PCDH11Y: variants seen among roughly 807,000 people sequenced by gnomAD.
PCDH11Y encodes protocadherin 11 Y-linked.
For synonymous variants in PCDH11Y, 9 were observed against 83.6 expected (o/e 0.11, Z 4.87); for missense variants, 12 against 224.8 (o/e 0.05, Z 6.05).
At chrY:5,312,139 T>C (rs2053101573) in intron 2 of PCDH11Y, among the ~76,000 whole-genome samples, 1 of 33,148 alleles carries the variant, frequency 3.0e-5, no homozygotes, top group African/African-American at 1.2e-4. Flanking sequence ...GAGAGAGCGA[T>C]ATCTCCGAAA....
intron 3 of PCDH11Y, among the ~76,000 whole-genome samples, chrY:5,046,978 C>A (rs1214322844): frequency 0.019 from 651 of 33,911 alleles, no homozygotes; most frequent in Non-Finnish European, 0.04. Context: ...GCCTCGCGCA[C>A]GGTGCGCGCA....
intron 1 of PCDH11Y, among the ~76,000 whole-genome samples, chrY:5,093,993 T>C (rs1602861611): frequency 3.3e-4 from 11 of 33,405 alleles, no homozygotes; most frequent in Non-Finnish European, 5.3e-4. Flanking sequence ...TACCTAGAGA[T>C]ATACACATAG....
intron 2 of PCDH11Y, among the ~76,000 whole-genome samples, chrY:5,205,270 C>T: frequency 3.3e-5 from 1 of 30,136 alleles, no homozygotes; most frequent in East Asian, 8.8e-4. Flanking sequence ...TGCCCAGCCC[C>T]AAACTGGAGA....
At chrY:5,359,412 T>C (rs2124671647) in intron 2 of PCDH11Y, among the ~76,000 whole-genome samples, 1 of 32,477 alleles carries the variant, frequency 3.1e-5, no homozygotes, top group Admixed American at 2.9e-4. Context: ...CTTGTTGCCA[T>C]CTTGGTTTTG....
At chrY:5,181,608 TG>T (rs2052900188) in intron 2 of PCDH11Y, among the ~76,000 whole-genome samples, 1 of 28,420 alleles carries the variant, frequency 3.5e-5, no homozygotes, top group Non-Finnish European at 8.4e-5. Flanking sequence ...TCAGAGGTTT[TG>T]TTTGTTCCTT....
chrY:5,640,263 C>G (rs2053522214), intron 4 of PCDH11Y, among the ~76,000 whole-genome samples: 1 of 32,639 alleles, frequency 3.1e-5, no homozygotes, highest in Non-Finnish European at 7.5e-5. Context: ...TTGGAATAAA[C>G]TTCTTCCAAA....
intron 2 of PCDH11Y, among the ~76,000 whole-genome samples, chrY:5,209,986 C>T (rs2052936843): frequency 5.9e-5 from 2 of 33,947 alleles, no homozygotes; most frequent in African/African-American, 1.1e-4. Context: ...TGCTCGAACC[C>T]GGGAGGCGGA....
chrY:5,594,967 C>T, intron 4 of PCDH11Y, among the ~76,000 whole-genome samples: 1 of 30,549 alleles, frequency 3.3e-5, no homozygotes, highest in Non-Finnish European at 7.9e-5. Flanking sequence ...CTCTAAGCAG[C>T]TCTCTCTGCC....
At chrY:5,338,163 C>T in intron 2 of PCDH11Y, 1 of 354,976 alleles carries the variant, frequency 2.8e-6, no homozygotes, top group Non-Finnish European at 4.1e-6. Flanking sequence ...GTCAGGGTTT[C>T]ATACAAGTCA....
chrY:5,614,520 G>A, intron 4 of PCDH11Y, among the ~76,000 whole-genome samples: 3 of 29,669 alleles, frequency 1.0e-4, no homozygotes, highest in Admixed American at 3.2e-4. Flanking sequence ...TGATTCATGC[G>A]GCTTCATGTG....
intron 1 of PCDH11Y, among the ~76,000 whole-genome samples, chrY:5,082,670 T>C: frequency 5.9e-5 from 2 of 33,651 alleles, no homozygotes; most frequent in Admixed American, 5.4e-4. Context: ...TTTATTTGCA[T>C]AGAGGTGTTT....
chrY:5,093,232 T>C (rs2052744191), intron 1 of PCDH11Y, among the ~76,000 whole-genome samples: 1 of 33,586 alleles, frequency 3.0e-5, no homozygotes, highest in Non-Finnish European at 7.5e-5. Context: ...ATCTTGTTTA[T>C]TTTAGCAGTT....
intron 4 of PCDH11Y, among the ~76,000 whole-genome samples, chrY:5,666,756 C>T (rs2053544995): frequency 3.2e-5 from 1 of 30,981 alleles, no homozygotes; most frequent in Non-Finnish European, 7.7e-5. Flanking sequence ...CTCCATCCCT[C>T]GCTCTCCCTT....
At chrY:5,139,143 C>T in intron 2 of PCDH11Y, among the ~76,000 whole-genome samples, 3 of 33,729 alleles carry the variant, frequency 8.9e-5, no homozygotes, top group Non-Finnish European at 2.2e-4. Context: ...ACAAAAATCA[C>T]ATGATTTTCT....
chrY:5,352,465 C>T, intron 2 of PCDH11Y, among the ~76,000 whole-genome samples: 1 of 32,808 alleles, frequency 3.0e-5, no homozygotes, highest in Non-Finnish European at 7.4e-5. Flanking sequence ...CTACCCAAAC[C>T]TAAAATATCA....
chrY:5,566,912 C>T (rs1602944338), intron 3 of PCDH11Y, among the ~76,000 whole-genome samples: 1 of 32,291 alleles, frequency 3.1e-5, no homozygotes, highest in Non-Finnish European at 7.6e-5. Flanking sequence ...AGTTGCATAC[C>T]AAGTAAGCAA....
chrY:5,199,434 C>T (rs2052924763), intron 2 of PCDH11Y, among the ~76,000 whole-genome samples: 1 of 31,548 alleles, frequency 3.2e-5, no homozygotes, highest in Non-Finnish European at 7.7e-5. Flanking sequence ...ACTACAGGCT[C>T]GTGCCACCAT....
At chrY:5,650,852 A>G in intron 4 of PCDH11Y, among the ~76,000 whole-genome samples, 12 of 32,324 alleles carry the variant, frequency 3.7e-4, no homozygotes, top group Non-Finnish European at 8.4e-4. Flanking sequence ...TTGACATACC[A>G]GAGAACTTGA....
At chrY:5,044,898 T>C in intron 3 of PCDH11Y, among the ~76,000 whole-genome samples, 1 of 33,121 alleles carries the variant, frequency 3.0e-5, no homozygotes, top group African/African-American at 1.2e-4. Flanking sequence ...TCTTTGTTGG[T>C]TTAAAGTCTG....
Sources: gnomAD v4.1 joint callset for allele counts (sites outside exome capture counted in the v4.1 genomes callset) on GRCh38, gnomAD v4.1.1 for gene constraint, MANE v1.5 for transcripts, NCBI Gene and HGNC (gene_info 2026-07-23, HGNC 2026-07-21) for gene names.